The following CTNNA3 variants were observed in gnomAD, a reference collection of about 807,000 sequenced individuals.
CTNNA3 encodes catenin alpha 3, also known as catenin alpha-3.
CTNNA3 carries 76 observed loss-of-function variants against 95.7 expected under a neutral mutation model. That is an observed-to-expected ratio of 0.79 (90% CI 0.66 to 0.96). The LOEUF is 0.96. Ranked by LOEUF, CTNNA3 falls within the 40% of genes least tolerant of loss-of-function variation. The pLI, the probability that CTNNA3 is intolerant of heterozygous loss-of-function variation, is 0.00. For synonymous variants in CTNNA3, 431 were observed against 374.4 expected (o/e 1.15, Z -1.74); for missense variants, 1,191 against 1,089.8 (o/e 1.09, Z -1.31).
chr10:67,236,863 C>T (rs1257398920), intron 5 of CTNNA3, among the ~76,000 whole-genome samples: 1 of 151,124 alleles, frequency 6.6e-6, no homozygotes, highest in Non-Finnish European at 1.5e-5. Context: ...GATCAGGGAA[C>T]ATTTCTACAC....
intron 7 of CTNNA3, among the ~76,000 whole-genome samples, chr10:66,783,613 T>C (rs1032343697): frequency 6.7e-6 from 1 of 148,506 alleles, no homozygotes; most frequent in Admixed American, 6.9e-5. Context: ...TTTTATGCTG[T>C]CGATTACACT....
intron 7 of CTNNA3, among the ~76,000 whole-genome samples, chr10:66,801,725 AG>A (rs1039929390): frequency 1.1e-4 from 16 of 151,654 alleles, no homozygotes; most frequent in South Asian, 2.1e-4. Context: ...AAAATCCAGC[AG>A]GCTTTTATTT....
intron 5 of CTNNA3, among the ~76,000 whole-genome samples, chr10:67,354,944 T>C (rs936578444): frequency 6.6e-6 from 1 of 151,988 alleles, no homozygotes; most frequent in Non-Finnish European, 1.5e-5. Flanking sequence ...CACCTATGTG[T>C]AGGTGATAAT....
chr10:66,708,295 G>A (rs868122885), intron 9 of CTNNA3, among the ~76,000 whole-genome samples: 25 of 151,780 alleles, frequency 1.6e-4, no homozygotes, highest in African/African-American at 5.1e-4. Context: ...TAGTTCTAGC[G>A]GCTAAAAGTC....
At chr10:66,499,404 A>G (rs1840203507) in intron 11 of CTNNA3, among the ~76,000 whole-genome samples, 1 of 152,182 alleles carries the variant, frequency 6.6e-6, no homozygotes, top group South Asian at 2.1e-4. Flanking sequence ...CCTGATTTAG[A>G]AAGGTTCCAG....
chr10:66,878,000 TG>T (rs1844690416), intron 7 of CTNNA3, among the ~76,000 whole-genome samples: 1 of 152,178 alleles, frequency 6.6e-6, no homozygotes, highest in Admixed American at 6.6e-5. Flanking sequence ...GTTTCTATGG[TG>T]GGTAAGGAAA....
intron 7 of CTNNA3, among the ~76,000 whole-genome samples, chr10:66,817,874 T>A (rs554760096): frequency 1.1e-4 from 17 of 151,968 alleles, no homozygotes; most frequent in African/African-American, 3.6e-4. Context: ...CTTTAAAATA[T>A]AAGTACAAAA....
chr10:66,520,242 A>ATTTT (rs1186356819), intron 11 of CTNNA3, among the ~76,000 whole-genome samples: 6 of 114,612 alleles, frequency 5.2e-5, no homozygotes, highest in Non-Finnish European at 1.1e-4. Flanking sequence ...ATTTAGTATT[A>ATTTT]TTCTTTTTTT....
intron 9 of CTNNA3, among the ~76,000 whole-genome samples, chr10:66,736,271 C>T (rs182054686): frequency 5.6e-4 from 85 of 151,980 alleles, no homozygotes; most frequent in African/African-American, 1.9e-3. Flanking sequence ...CTGCAACTTC[C>T]GCCTCCCGGG....
intron 1 of CTNNA3, among the ~76,000 whole-genome samples, chr10:67,678,580 G>A (rs1340537267): frequency 6.6e-6 from 1 of 152,106 alleles, no homozygotes; most frequent in Non-Finnish European, 1.5e-5. Context: ...TCACCTTAGA[G>A]TTCATTACAG....
chr10:66,335,106 T>A (rs966289490), intron 12 of CTNNA3, among the ~76,000 whole-genome samples: 1 of 152,128 alleles, frequency 6.6e-6, no homozygotes, highest in Non-Finnish European at 1.5e-5. Context: ...CTTCTCTGCA[T>A]TGGTTATTCT....
intron 12 of CTNNA3, among the ~76,000 whole-genome samples, chr10:66,360,827 TTCTTTCTTTC>T (rs1395706095): frequency 2.9e-4 from 24 of 81,894 alleles, no homozygotes; most frequent in African/African-American, 1.4e-3. Flanking sequence ...CTTTCTTTCT[TTCTTTCTTTC>T]TTTCTTTCTT....
intron 7 of CTNNA3, among the ~76,000 whole-genome samples, chr10:66,856,717 G>T (rs988109353): frequency 1.3e-5 from 2 of 152,010 alleles, no homozygotes; most frequent in African/African-American, 4.8e-5. Context: ...CTTTTGAAAA[G>T]TGTCTGTTCA....
At chr10:66,532,817 A>C (rs558864087) in intron 10 of CTNNA3, among the ~76,000 whole-genome samples, 1 of 152,204 alleles carries the variant, frequency 6.6e-6, no homozygotes, top group Non-Finnish European at 1.5e-5. Flanking sequence ...AGGTACAAAT[A>C]GGGTCGAAAT....
At chr10:66,327,404 AT>A (rs1252180231) in intron 12 of CTNNA3, among the ~76,000 whole-genome samples, 1 of 152,040 alleles carries the variant, frequency 6.6e-6, no homozygotes, top group Non-Finnish European at 1.5e-5. Context: ...GTCAAAAAAT[AT>A]TTTTGGAACA....
intron 7 of CTNNA3, among the ~76,000 whole-genome samples, chr10:66,987,783 T>C (rs1307268164): frequency 2.0e-5 from 3 of 152,224 alleles, no homozygotes; most frequent in African/African-American, 7.2e-5. Flanking sequence ...TCATGATAAC[T>C]AAATTTGGAT....
chr10:66,864,269 C>A (rs539311940), intron 7 of CTNNA3, among the ~76,000 whole-genome samples: 1 of 152,170 alleles, frequency 6.6e-6, no homozygotes, highest in South Asian at 2.1e-4. Context: ...ATGTTGTTAT[C>A]ACAGGAGTTG....
At chr10:67,710,260 T>G (rs779665746) in intron 1 of CTNNA3, among the ~76,000 whole-genome samples, 4 of 151,660 alleles carry the variant, frequency 2.6e-5, no homozygotes, top group Non-Finnish European at 4.4e-5. Flanking sequence ...AACATGATGT[T>G]AAGAGAATAA....
chr10:66,103,127 A>G lies in CTNNA3; in HGVS notation c.1977+30T>C, dbSNP rs554754922. The G allele has an allele frequency of 1.6e-5, 25 of 1,570,246 alleles. No individual in the cohort carries two copies. In the South Asian group the frequency reaches 2.2e-4, roughly 14 times the overall value. On this transcript the variant is annotated intron_variant, in intron 14 of 17. Transcript: ENST00000433211. ...GGCACAGCCTTCAGTGACACAGTAC[A>G]TGGTTCTCCCACCAGTTGAAGTGAC...
Sources: gnomAD v4.1 joint callset for allele counts (sites outside exome capture counted in the v4.1 genomes callset) on GRCh38, gnomAD v4.1.1 for gene constraint, MANE v1.5 for transcripts, NCBI Gene and HGNC (gene_info 2026-07-23, HGNC 2026-07-21) for gene names.